KCNMB2: variants seen among roughly 807,000 people sequenced by gnomAD.
KCNMB2 encodes the protein potassium calcium-activated channel subfamily M regulatory beta subunit 2.
A neutral mutation model predicts 24.5 loss-of-function variants in KCNMB2; 9 were observed. The ratio of observed to expected loss-of-function variants is 0.37; its 90% confidence interval spans 0.22 to 0.64. The LOEUF (loss-of-function observed/expected upper bound fraction) is 0.64. KCNMB2 is among the 30% of genes least tolerant of loss of function. The probability of loss-of-function intolerance (pLI) is 0.63; values close to 1 mark genes in which losing one functional copy is unlikely to be tolerated. For synonymous variants in KCNMB2, 109 were observed against 104.4 expected, an observed-to-expected ratio of 1.04 and a Z score of -0.27; for missense variants, 226 against 284.3, an observed-to-expected ratio of 0.79 and a Z score of 1.47.
intron 1 of KCNMB2, among the ~76,000 whole-genome samples, chr3:178,730,188 T>C (rs1026364914): frequency 2.6e-5 from 4 of 152,292 alleles, no homozygotes; most frequent in African/African-American, 9.6e-5. Context: ...ATGACCCTAA[T>C]AACAATCACA....
chr3:178,778,460 A>ATACGCGCGCG (rs1553777053), intron 1 of KCNMB2, among the ~76,000 whole-genome samples: 2 of 48,058 alleles, frequency 4.2e-5, no homozygotes. Context: ...TTTAAGACAC[A>ATACGCGCGCG]CACACACACA....
intron 1 of KCNMB2, among the ~76,000 whole-genome samples, chr3:178,743,557 G>C (rs531605086): frequency 3.9e-4 from 60 of 152,316 alleles, no homozygotes; most frequent in Non-Finnish European, 4.9e-4. Context: ...AGCACAAATG[G>C]ACCTGGTCAG....
chr3:178,640,665 T>C (rs1464285889), intron 1 of KCNMB2, among the ~76,000 whole-genome samples: 1 of 152,190 alleles, frequency 6.6e-6, no homozygotes, highest in African/African-American at 2.4e-5. Flanking sequence ...CAAAAATTAA[T>C]TCCCAACTCA....
intron 1 of KCNMB2, among the ~76,000 whole-genome samples, chr3:178,626,879 G>A (rs1178588724): frequency 6.7e-6 from 1 of 148,498 alleles, no homozygotes; most frequent in African/African-American, 2.5e-5. Context: ...AAGTATATAT[G>A]TAACTTATAT....
At chr3:178,658,003 T>C (rs769024714) in intron 1 of KCNMB2, among the ~76,000 whole-genome samples, 6 of 152,226 alleles carry the variant, frequency 3.9e-5, no homozygotes, top group Non-Finnish European at 8.8e-5. Flanking sequence ...ACACAAGTTT[T>C]CATGGGGACA....
chr3:178,839,550 A>T (rs1715352794), intron 4 of KCNMB2, among the ~76,000 whole-genome samples: 1 of 152,170 alleles, frequency 6.6e-6, no homozygotes, highest in African/African-American at 2.4e-5. Context: ...TGGGTAATTT[A>T]TAAAAGAAAA....
intron 1 of KCNMB2, among the ~76,000 whole-genome samples, chr3:178,627,576 C>T (rs956103203): frequency 6.6e-6 from 1 of 152,188 alleles, no homozygotes; most frequent in Non-Finnish European, 1.5e-5. Flanking sequence ...CTTTCCTCAA[C>T]AAATGTTCAG....
chr3:178,564,277 C>CAAAAAAAAAAAAAAAAAAAAAA, intron 1 of KCNMB2, among the ~76,000 whole-genome samples: 1 of 144,036 alleles, frequency 6.9e-6, no homozygotes, highest in Non-Finnish European at 1.5e-5. Flanking sequence ...GACTCCATCT[C>CAAAAAAAAAAAAAAAAAAAAAA]AAAAAAAAAA....
In KCNMB2 at chr3:178,626,827, C is replaced by CTATAG. The variant is rs527455776; in HGVS notation, c.-68+90124_-68+90128dup. ...AACTTGTTAACTTAACTATACTATA[C>CTATAG]TATAGTATAGTAAGTATATATATAA... On this transcript the variant is annotated intron_variant, in intron 1 of 4. Coordinates refer to ENST00000452583, the MANE Select transcript of KCNMB2 (RefSeq NM_181361.3). 2.9e-4 allele frequency among the ~76,000 whole-genome samples: 43 copies of CTATAG among 149,966 alleles called. 1 individual carries two copies. The South Asian group carries it at 8.8e-3, about 31-fold the overall frequency.
intron 1 of KCNMB2, among the ~76,000 whole-genome samples, chr3:178,761,452 T>G (rs1416986055): frequency 6.6e-6 from 1 of 152,232 alleles, no homozygotes; most frequent in Admixed American, 6.5e-5. Context: ...AACACTTCCT[T>G]ACAGTCTATC....
intron 1 of KCNMB2, among the ~76,000 whole-genome samples, chr3:178,558,290 A>G (rs1716193842): frequency 6.6e-6 from 1 of 152,230 alleles, no homozygotes; most frequent in African/African-American, 2.4e-5. Flanking sequence ...GAAAACTTGC[A>G]ATCCTACAGA....
chr3:178,792,580 A>G (rs1422208512), intron 1 of KCNMB2, among the ~76,000 whole-genome samples: 1 of 152,204 alleles, frequency 6.6e-6, no homozygotes, highest in African/African-American at 2.4e-5. Context: ...CAATAATAAC[A>G]TTGGATGGAA....
intron 1 of KCNMB2, among the ~76,000 whole-genome samples, chr3:178,600,573 C>T (rs1261289439): frequency 6.6e-6 from 1 of 152,140 alleles, no homozygotes; most frequent in Non-Finnish European, 1.5e-5. Context: ...CAGAATTCTA[C>T]ATAAGCACTT....
At chr3:178,785,895 T>C (rs1456633279) in intron 1 of KCNMB2, among the ~76,000 whole-genome samples, 1 of 152,156 alleles carries the variant, frequency 6.6e-6, no homozygotes, top group Non-Finnish European at 1.5e-5. Flanking sequence ...TTTTAATTAA[T>C]CTTCATGAGA....
At chr3:178,701,751 C>T (rs1292995804) in intron 1 of KCNMB2, among the ~76,000 whole-genome samples, 2 of 152,092 alleles carry the variant, frequency 1.3e-5, no homozygotes, top group Admixed American at 1.3e-4. Flanking sequence ...TGGCAATCAT[C>T]AAAAAGTCAG....
At chr3:178,702,279 T>C (rs1722127137) in intron 1 of KCNMB2, among the ~76,000 whole-genome samples, 1 of 97,276 alleles carries the variant, frequency 1.0e-5, no homozygotes, top group Non-Finnish European at 1.9e-5. Flanking sequence ...CTAGGGCCTG[T>C]TGTGGGGTGG....
In KCNMB2 at chr3:178,569,089, TC is replaced by T. The variant is rs543071886; in HGVS notation, c.-68+32379del. Among the ~76,000 whole-genome samples the T allele has an allele frequency of 5.5e-4, 78 of 140,682 alleles. 2 individuals carry two copies. The South Asian group carries it at 0.016, about 30-fold the overall frequency. The allele number at this position is 140,682 out of a possible 152,430, so 92.3% of individuals were successfully genotyped here. On this transcript the variant is annotated intron_variant, in intron 1 of 4. Transcript: ENST00000452583. ...AGCATAGCTGCTCAAAAATGTTCTC[TC>T]TTTATTTCTTGGCTCTTTTTCTTTT...
chr3:178,656,733 C>T (rs1007597903), intron 1 of KCNMB2, among the ~76,000 whole-genome samples: 1 of 152,152 alleles, frequency 6.6e-6, no homozygotes, highest in Admixed American at 6.6e-5. Flanking sequence ...GATCGCGCCA[C>T]TGCCCTACAG....
intron 1 of KCNMB2, among the ~76,000 whole-genome samples, chr3:178,539,922 A>T (rs897055685): frequency 6.6e-5 from 10 of 152,114 alleles, no homozygotes; most frequent in Admixed American, 2.0e-4. Flanking sequence ...AATGAGTTCA[A>T]TCAAGTGTCA....
Sources: gnomAD v4.1 joint callset for allele counts (sites outside exome capture counted in the v4.1 genomes callset) on GRCh38, gnomAD v4.1.1 for gene constraint, MANE v1.5 for transcripts, NCBI Gene and HGNC (gene_info 2026-07-23, HGNC 2026-07-21) for gene names.